ROBO1: variants seen among roughly 807,000 people sequenced by gnomAD.
ROBO1 encodes the protein roundabout guidance receptor 1.
Under a neutral mutation model 195.9 loss-of-function variants are expected in ROBO1, and 149 were observed. That is an observed-to-expected ratio of 0.76 (90% CI 0.67 to 0.87). The LOEUF is 0.87. Among genes scored for constraint, ROBO1 ranks in the 40% least tolerant of loss-of-function variants. The probability of loss-of-function intolerance (pLI) is 0.00; values close to 1 mark genes in which losing one functional copy is unlikely to be tolerated. For synonymous variants in ROBO1, 816 were observed against 733.2 expected, an observed-to-expected ratio of 1.11 and a Z score of -1.82; for missense variants, 1,933 against 2,068.3, an observed-to-expected ratio of 0.93 and a Z score of 1.27.
At chr3:79,054,307 A>G (rs1348224427) in intron 3 of ROBO1, among the ~76,000 whole-genome samples, 1 of 152,156 alleles carries the variant, frequency 6.6e-6, no homozygotes, top group Non-Finnish European at 1.5e-5. Flanking sequence ...ACAGTTAAAC[A>G]AGGTCATGCT....
chr3:78,954,978 C>A (rs1363229738), intron 3 of ROBO1, among the ~76,000 whole-genome samples: 1 of 102,584 alleles, frequency 9.7e-6, no homozygotes, highest in Admixed American at 1.0e-4. Flanking sequence ...CTTTTATGTT[C>A]AGGGGTCATG....
At chr3:79,672,952 T>A (rs1159818973) in intron 1 of ROBO1, among the ~76,000 whole-genome samples, 1 of 151,892 alleles carries the variant, frequency 6.6e-6, no homozygotes, top group Non-Finnish European at 1.5e-5. Flanking sequence ...AAATAACTGA[T>A]CTTTTGTAAG....
At position 78,860,326 on chromosome 3, in the gene ROBO1, A is replaced by ATTTTT. The variant is rs1553750391; in HGVS notation, c.499+78270_499+78274dup. On this transcript the variant is annotated intron_variant, in intron 4 of 30. Coordinates refer to ENST00000464233, the MANE Select transcript of ROBO1 (RefSeq NM_002941.4). The stretch of plus-strand genomic sequence containing the variant: ...ACTATATATATATATATATATATAT[A>ATTTTT]TTTTTTTTTTTTTACTCATAAGGTG... Among the ~76,000 whole-genome samples, 410 of 93,518 alleles carry ATTTTT rather than the reference A, an allele frequency of 4.4e-3. 2 individuals are homozygous for ATTTTT. The highest frequency in any genetic ancestry group is 0.013 in the South Asian group (32 of 2,542). 61.4% of individuals were successfully genotyped at this position (93,518 alleles called of 152,430 possible).
chr3:78,722,671 T>C (rs986850268), intron 5 of ROBO1, among the ~76,000 whole-genome samples: 4 of 152,124 alleles, frequency 2.6e-5, no homozygotes, highest in Non-Finnish European at 4.4e-5. Flanking sequence ...CAACAAAATA[T>C]ATACGAAAAT....
Position 78,939,337 on chromosome 3 carries a change from C to G in ROBO1, c.173-410G>C, listed in dbSNP as rs148437446. On this transcript the variant is annotated intron_variant, in intron 3 of 30. Coordinates refer to ENST00000464233, the MANE Select transcript of ROBO1 (RefSeq NM_002941.4). ...ACACTTCAACAAAACATATGTGGCC[C>G]GGCGCGGGGGCTCACGCCTGTAATC... Among the ~76,000 whole-genome samples, 615 of 152,034 alleles carry G rather than the reference C, an allele frequency of 4.0e-3. 5 individuals are homozygous for G. Among genetic ancestry groups the G allele is most frequent in the African/African-American group, 0.014 (583 of 41,466 alleles).
intron 2 of ROBO1, among the ~76,000 whole-genome samples, chr3:79,553,959 T>C (rs2107683344): frequency 6.6e-6 from 1 of 152,200 alleles, no homozygotes; most frequent in Non-Finnish European, 1.5e-5. Context: ...AAAGTTTTTA[T>C]GTGGAACTGC....
At chr3:79,111,548 C>T (rs945873529) in intron 3 of ROBO1, among the ~76,000 whole-genome samples, 6 of 152,070 alleles carry the variant, frequency 3.9e-5, no homozygotes, top group Admixed American at 3.3e-4. Context: ...TCCATCGCTG[C>T]TCATTACCTT....
chr3:78,599,858 G>A (rs931704917), intron 30 of ROBO1, among the ~76,000 whole-genome samples: 1 of 152,150 alleles, frequency 6.6e-6, no homozygotes, highest in Non-Finnish European at 1.5e-5. Context: ...TGCCATATAT[G>A]TTTCTTATCT....
intron 4 of ROBO1, among the ~76,000 whole-genome samples, chr3:78,881,655 T>A (rs1373550544): frequency 6.6e-6 from 1 of 152,156 alleles, no homozygotes; most frequent in Non-Finnish European, 1.5e-5. Context: ...TGATAATTCT[T>A]CCTCCACAGA....
At chr3:79,713,480 G>C (rs1702356106) in intron 1 of ROBO1, among the ~76,000 whole-genome samples, 1 of 152,014 alleles carries the variant, frequency 6.6e-6, no homozygotes, top group Admixed American at 6.6e-5. Flanking sequence ...AACCTTCCTG[G>C]GTTACTTAGA....
At chr3:79,124,435 C>G (rs1262620821) in intron 3 of ROBO1, among the ~76,000 whole-genome samples, 1 of 152,102 alleles carries the variant, frequency 6.6e-6, no homozygotes, top group Non-Finnish European at 1.5e-5. Flanking sequence ...GAGGATGCTT[C>G]AAAAGTAAAA....
chr3:78,944,129 C>G (rs2040288673), intron 3 of ROBO1, among the ~76,000 whole-genome samples: 1 of 152,194 alleles, frequency 6.6e-6, no homozygotes, highest in Non-Finnish European at 1.5e-5. Flanking sequence ...TATGGGGGAA[C>G]TGAGACTCTC....
chr3:79,222,777 A>T (rs1416405078), intron 2 of ROBO1, among the ~76,000 whole-genome samples: 1 of 152,176 alleles, frequency 6.6e-6, no homozygotes, highest in African/African-American at 2.4e-5. Flanking sequence ...ATAAATTAGA[A>T]AAATACTTGG....
At chr3:79,412,721 T>C (rs1198768447) in intron 2 of ROBO1, among the ~76,000 whole-genome samples, 3 of 151,958 alleles carry the variant, frequency 2.0e-5, no homozygotes, top group Non-Finnish European at 4.4e-5. Context: ...CCAAAAATAT[T>C]CCAAATTCAT....
chr3:78,896,298 T>C (rs2037222278), intron 4 of ROBO1, among the ~76,000 whole-genome samples: 1 of 152,100 alleles, frequency 6.6e-6, no homozygotes, highest in South Asian at 2.1e-4. Context: ...AGCTAAGCCA[T>C]CATATCCCCA....
At chr3:79,750,487 G>A (rs951467337) in intron 1 of ROBO1, among the ~76,000 whole-genome samples, 2 of 152,160 alleles carry the variant, frequency 1.3e-5, no homozygotes, top group African/African-American at 4.8e-5. Context: ...TGAGTTGGCT[G>A]TGTCCCCACC....
At chr3:78,616,238 A>G (rs2107377667) in intron 27 of ROBO1, among the ~76,000 whole-genome samples, 1 of 152,312 alleles carries the variant, frequency 6.6e-6, no homozygotes, top group African/African-American at 2.4e-5. Flanking sequence ...TGAGATACTT[A>G]ATTTCACCAT....
chr3:79,584,077 A>G (rs1472532196), intron 2 of ROBO1, among the ~76,000 whole-genome samples: 1 of 151,940 alleles, frequency 6.6e-6, no homozygotes, highest in East Asian at 1.9e-4. Context: ...AAATTAATTC[A>G]AATAAGCTCT....
chr3:78,646,992 G>A (rs3773217), intron 20 of ROBO1, among the ~76,000 whole-genome samples: 130,456 of 151,922 alleles, frequency 0.86, 57,030 homozygotes, highest in Non-Finnish European at 0.93. Flanking sequence ...CTACTTAGAA[G>A]AACTCCAAAC....
Sources: allele counts gnomAD v4.1 joint callset (sites outside exome capture counted in the v4.1 genomes callset), GRCh38; gene constraint gnomAD v4.1.1; transcripts MANE v1.5; gene names NCBI Gene and HGNC (gene_info 2026-07-23, HGNC 2026-07-21).